The following TAFA1 variants were observed in gnomAD, a reference collection of about 807,000 sequenced individuals.
TAFA1 encodes the protein chemokine-like protein TAFA-1.
A neutral mutation model predicts 18.5 loss-of-function variants in TAFA1; 4 were observed. That is an observed-to-expected ratio of 0.22 (90% CI 0.11 to 0.49). The LOEUF (loss-of-function observed/expected upper bound fraction) is 0.49, where lower values mean the gene tolerates loss of function less well. TAFA1 is among the 20% of genes least tolerant of loss of function. The probability of loss-of-function intolerance (pLI) is 0.98; values close to 1 mark genes in which losing one functional copy is unlikely to be tolerated. For missense variants in TAFA1, 147 were observed against 169.0 expected (o/e 0.87, Z 0.72); for synonymous variants, 56 against 55.2 (o/e 1.01, Z -0.06).
At chr3:68,544,390 A>C in intron 4 of TAFA1, 96 bp from the exon 5 acceptor site, 1 of 1,254,132 alleles carries the variant, frequency 8.0e-7, no homozygotes, top group Non-Finnish European at 1.1e-6. Context: ...AACATCCTAA[A>C]GATTCAAGGT....
At chr3:68,249,271 T>C (rs1466832771) in intron 2 of TAFA1, among the ~76,000 whole-genome samples, 1 of 152,178 alleles carries the variant, frequency 6.6e-6, no homozygotes, top group East Asian at 1.9e-4. Context: ...ACTCTGCCTT[T>C]CCCATGTTGC....
At chr3:68,434,535 C>G (rs2071236132) in intron 3 of TAFA1, among the ~76,000 whole-genome samples, 1 of 151,968 alleles carries the variant, frequency 6.6e-6, no homozygotes. Flanking sequence ...TTTTTTTCTT[C>G]CATTTTGATA....
At chr3:68,517,868 A>T (rs2072948193) in intron 3 of TAFA1, among the ~76,000 whole-genome samples, 1 of 152,054 alleles carries the variant, frequency 6.6e-6, no homozygotes, top group African/African-American at 2.4e-5. Flanking sequence ...ACTGTGATCA[A>T]ATTTAAGCAG....
chr3:68,127,734 G>A lies in TAFA1; in HGVS notation c.118+120990G>A, dbSNP rs367775989. ...TGCTGATGGCAGTGGTGGTGGTGGCGGTGGTGATGATGGTAGCGGTGGTGA... is the reference window on the plus strand; with the variant it reads ...TGCTGATGGCAGTGGTGGTGGTGGCAGTGGTGATGATGGTAGCGGTGGTGA... On this transcript the variant is annotated intron_variant, in intron 2 of 4. Transcript: ENST00000478136. 4.0e-4 allele frequency among the ~76,000 whole-genome samples: 56 copies of A among 140,358 alleles called. No individual in the cohort carries two copies. The East Asian group carries it at 0.012, about 29-fold the overall frequency. 92.1% of individuals were successfully genotyped at this position (140,358 alleles called of 152,430 possible). A position where few individuals can be genotyped will look rare whatever the true frequency, so the allele number is the denominator to read the frequency against.
intron 3 of TAFA1, among the ~76,000 whole-genome samples, chr3:68,451,291 C>T (rs1038965518): frequency 2.6e-5 from 4 of 152,060 alleles, no homozygotes; most frequent in African/African-American, 7.2e-5. Flanking sequence ...ATTTGTAAGT[C>T]CTCAATAAAC....
chr3:68,499,267 A>AC (rs1030314394), intron 3 of TAFA1, among the ~76,000 whole-genome samples: 33 of 151,752 alleles, frequency 2.2e-4, no homozygotes, highest in Admixed American at 1.4e-3. Flanking sequence ...GTTAAAAGAA[A>AC]AAAAAAAGCT....
At chr3:68,097,593 A>G (rs1380861621) in intron 2 of TAFA1, among the ~76,000 whole-genome samples, 3 of 152,218 alleles carry the variant, frequency 2.0e-5, no homozygotes, top group Non-Finnish European at 4.4e-5. Context: ...TCAATAAGAT[A>G]TGAGAGGAAG....
chr3:67,992,151 G>A, the TAFA1 span, among the ~76,000 whole-genome samples: 2 of 152,204 alleles, frequency 1.3e-5, no homozygotes, highest in Non-Finnish European at 2.9e-5. Flanking sequence ...CCCCAGTGAG[G>A]CAAATATGAA....
intron 2 of TAFA1, among the ~76,000 whole-genome samples, chr3:68,345,302 A>G (rs1340604204): frequency 6.6e-6 from 1 of 152,196 alleles, no homozygotes; most frequent in Non-Finnish European, 1.5e-5. Flanking sequence ...TCGTTCAGGC[A>G]GAGAGGCCTA....
At chr3:68,076,642 AT>A (rs1228832987) in intron 2 of TAFA1, among the ~76,000 whole-genome samples, 2 of 152,246 alleles carry the variant, frequency 1.3e-5, no homozygotes, top group African/African-American at 4.8e-5. Context: ...TGAACTCATC[AT>A]TTTTTATGGC....
intron 2 of TAFA1, among the ~76,000 whole-genome samples, chr3:68,144,741 A>AT (rs1230738458): frequency 6.6e-6 from 1 of 152,098 alleles, no homozygotes; most frequent in Non-Finnish European, 1.5e-5. Context: ...CCGTCTTACA[A>AT]TTTTTTTAAC....
intron 2 of TAFA1, among the ~76,000 whole-genome samples, chr3:68,240,557 G>C (rs1464843654): frequency 6.6e-6 from 1 of 152,100 alleles, no homozygotes; most frequent in Non-Finnish European, 1.5e-5. Context: ...CCCTTGCATC[G>C]GGTTTATATG....
At chr3:68,447,387 G>C (rs575523751) in intron 3 of TAFA1, among the ~76,000 whole-genome samples, 1 of 152,108 alleles carries the variant, frequency 6.6e-6, no homozygotes, top group Non-Finnish European at 1.5e-5. Flanking sequence ...ACTCCATTCT[G>C]TCCACTGCAG....
chr3:68,372,002 C>T lies in TAFA1; in HGVS notation c.119-45278C>T, dbSNP rs1418462931. On this transcript the variant is annotated intron_variant, in intron 2 of 4. Coordinates refer to ENST00000478136, the MANE Select transcript of TAFA1 (RefSeq NM_213609.4). The stretch of plus-strand genomic sequence containing the variant: ...CTGTGACTAATTTAACACTTCTGAA[C>T]ATCTCGATGTAGGCTAGTATCTAAT... 3.3e-5 allele frequency among the ~76,000 whole-genome samples: 5 copies of T among 152,286 alleles called. No individual in the cohort carries two copies. The East Asian group carries it at 9.7e-4, about 29-fold the overall frequency.
chr3:68,103,787 C>G (rs1358643274), intron 2 of TAFA1, among the ~76,000 whole-genome samples: 1 of 152,154 alleles, frequency 6.6e-6, no homozygotes, highest in East Asian at 1.9e-4. Context: ...AAACACCTTA[C>G]ATGAATCACA....
At chr3:68,409,034 T>C (rs1406712773) in intron 2 of TAFA1, among the ~76,000 whole-genome samples, 1 of 152,150 alleles carries the variant, frequency 6.6e-6, no homozygotes, top group Non-Finnish European at 1.5e-5. Context: ...TAAATATTAT[T>C]GTACAAGAAT....
chr3:68,086,918 A>T (rs1319091941), intron 2 of TAFA1, among the ~76,000 whole-genome samples: 1 of 152,198 alleles, frequency 6.6e-6, no homozygotes, highest in Admixed American at 6.5e-5. Context: ...ATGTTAGAGC[A>T]TTATTTTCCT....
intron 2 of TAFA1, among the ~76,000 whole-genome samples, chr3:68,101,892 T>G (rs1387981557): frequency 6.6e-6 from 1 of 152,146 alleles, no homozygotes; most frequent in African/African-American, 2.4e-5. Context: ...AAGCATATTT[T>G]TTGAGACCCA....
chr3:68,410,705 CAAAAAAAAA>C (rs34714719), intron 2 of TAFA1, among the ~76,000 whole-genome samples: 955 of 36,652 alleles, frequency 0.026, 6 homozygotes, highest in Admixed American at 0.044. Flanking sequence ...TTTCCATAAG[CAAAAAAAAA>C]AAAAAAAAAA....
Sources: allele counts gnomAD v4.1 joint callset (sites outside exome capture counted in the v4.1 genomes callset), GRCh38; gene constraint gnomAD v4.1.1; transcripts MANE v1.5; gene names NCBI Gene and HGNC (gene_info 2026-07-23, HGNC 2026-07-21).